The following PIK3C3 variants were observed in gnomAD, a reference collection of about 807,000 sequenced individuals.
PIK3C3 encodes the protein phosphatidylinositol 3-kinase catalytic subunit type 3.
A neutral mutation model predicts 126.1 loss-of-function variants in PIK3C3; 95 were observed. That is an observed-to-expected ratio of 0.75 (90% CI 0.64 to 0.89). PIK3C3 has a LOEUF of 0.89. Ranked by LOEUF, PIK3C3 falls within the 40% of genes least tolerant of loss-of-function variation. The probability of loss-of-function intolerance (pLI) is 0.00; values close to 1 mark genes in which losing one functional copy is unlikely to be tolerated. For missense variants in PIK3C3, 829 were observed against 1,063.2 expected (o/e 0.78, Z 3.06); for synonymous variants, 374 against 360.0 (o/e 1.04, Z -0.44).
At chr18:42,062,874 T>G (rs573003355) in intron 22 of PIK3C3, among the ~76,000 whole-genome samples, 1 of 152,224 alleles carries the variant, frequency 6.6e-6, no homozygotes, top group Admixed American at 6.5e-5. Context: ...TTAGGCTAAA[T>G]CCTTTGTGTT....
At chr18:42,074,425 A>G (rs1364148237) in intron 24 of PIK3C3, among the ~76,000 whole-genome samples, 2 of 152,132 alleles carry the variant, frequency 1.3e-5, no homozygotes, top group Admixed American at 6.5e-5. Context: ...AGTAGAAAAT[A>G]AACTATATCT....
intron 9 of PIK3C3, 24 bp from the exon 10 acceptor site, chr18:42,004,332 T>A (rs1385190559): frequency 6.3e-7 from 1 of 1,584,298 alleles, no homozygotes; most frequent in East Asian, 2.3e-5. Flanking sequence ...CTGTTTCTAA[T>A]TTTTAAATAT....
chr18:42,026,421 CTG>C, intron 13 of PIK3C3: 1 of 152,202 alleles, frequency 6.6e-6, no homozygotes, highest in Non-Finnish European at 1.5e-5. Flanking sequence ...TTTTATACAT[CTG>C]TGTGCATATG....
In PIK3C3 at chr18:42,085,050, T is replaced by G. The variant is rs1986371354; in HGVS notation, c.*3913T>G. ...TCTCTTGTTATATGCTAACTTCATTTTCCCTTTCTTGTCCATAGTGGGAAA... is the reference window on the plus strand; with the variant it reads ...TCTCTTGTTATATGCTAACTTCATTGTCCCTTTCTTGTCCATAGTGGGAAA... On this transcript the variant is annotated 3_prime_UTR_variant, in exon 25 of 25. Transcript: ENST00000262039. 3 of 152,234 alleles carry G rather than the reference T, an allele frequency of 2.0e-5. No individual in the cohort carries two copies. Among genetic ancestry groups the G allele is most frequent in the African/African-American group, 7.2e-5 (3 of 41,466 alleles). 9.4% of individuals were successfully genotyped at this position (152,234 alleles called of 1,614,324 possible).
chr18:42,005,553 G>A (rs1982501693), intron 10 of PIK3C3, among the ~76,000 whole-genome samples: 2 of 152,134 alleles, frequency 1.3e-5, no homozygotes. Context: ...AATTTTTATA[G>A]GGTGAATATG....
intron 15 of PIK3C3, among the ~76,000 whole-genome samples, chr18:42,033,385 T>C (rs1011003691): frequency 2.6e-5 from 4 of 152,208 alleles, no homozygotes; most frequent in Non-Finnish European, 5.9e-5. Flanking sequence ...AAGTTTCCTT[T>C]TTAAACTCAA....
chr18:42,052,413 C>T (rs1984846980), intron 21 of PIK3C3, among the ~76,000 whole-genome samples: 1 of 152,126 alleles, frequency 6.6e-6, no homozygotes, highest in African/African-American at 2.4e-5. Context: ...CCTATTAAAA[C>T]AGCAGTTCAT....
chr18:41,983,884 C>A (rs1981331394), intron 4 of PIK3C3, among the ~76,000 whole-genome samples: 1 of 150,748 alleles, frequency 6.6e-6, no homozygotes. Flanking sequence ...CTTGTGGATT[C>A]TTTTATTTAA....
intron 10 of PIK3C3, among the ~76,000 whole-genome samples, chr18:42,006,748 T>C (rs540704513): frequency 4.7e-4 from 71 of 152,372 alleles, no homozygotes; most frequent in African/African-American, 1.5e-3. Flanking sequence ...GTTAATTTAC[T>C]TAACCATTGG....
intron 24 of PIK3C3, among the ~76,000 whole-genome samples, chr18:42,069,851 A>ATAGC (rs1985702214): frequency 6.6e-6 from 1 of 152,210 alleles, no homozygotes; most frequent in Non-Finnish European, 1.5e-5. Flanking sequence ...TCAGTAATCT[A>ATAGC]TAGCTACACA....
intron 20 of PIK3C3, among the ~76,000 whole-genome samples, chr18:42,047,965 C>G (rs1984628864): frequency 6.6e-6 from 1 of 152,154 alleles, no homozygotes; most frequent in Non-Finnish European, 1.5e-5. Context: ...CCATTCAACC[C>G]TGCCATTGTA....
intron 21 of PIK3C3, among the ~76,000 whole-genome samples, chr18:42,055,936 T>C (rs935683088): frequency 6.6e-6 from 1 of 152,082 alleles, no homozygotes; most frequent in Non-Finnish European, 1.5e-5. Context: ...AACAGGAAAA[T>C]GTAATTAGCA....
chr18:42,076,111 T>TATATGCAC (rs1985978903), intron 24 of PIK3C3, among the ~76,000 whole-genome samples: 2 of 79,322 alleles, frequency 2.5e-5, no homozygotes, highest in Non-Finnish European at 5.0e-5. Flanking sequence ...TATATATATA[T>TATATGCAC]ATATATATAT....
chr18:42,074,911 T>G (rs941096787), intron 24 of PIK3C3, among the ~76,000 whole-genome samples: 1 of 152,174 alleles, frequency 6.6e-6, no homozygotes, highest in Non-Finnish European at 1.5e-5. Context: ...GTGTTTTACT[T>G]AAGTACCTAC....
intron 4 of PIK3C3, 72 bp downstream of exon 4, chr18:41,970,528 A>C (rs1489511606): frequency 7.7e-7 from 1 of 1,305,132 alleles, no homozygotes; most frequent in Admixed American, 1.7e-5. Context: ...CCTTGACATT[A>C]TGAACTCTGT....
chr18:42,015,584 C>T lies in PIK3C3; in HGVS notation c.1416+18C>T. The T allele has an allele frequency of 6.3e-7, 1 of 1,576,960 alleles. No homozygotes were observed. Among genetic ancestry groups the T allele is most frequent in the Non-Finnish European group, 8.7e-7 (1 of 1,146,582 alleles). On this transcript the variant is annotated intron_variant, in intron 12 of 24. Coordinates refer to ENST00000262039, the MANE Select transcript of PIK3C3 (RefSeq NM_002647.4). ...ATCTGGAAGTGAGTACAAAGCTTTT[C>T]CAGCTTCCTATAGGAGAGATCCTAC...
intron 9 of PIK3C3, among the ~76,000 whole-genome samples, chr18:42,003,369 C>G (rs1982385664): frequency 6.6e-6 from 1 of 152,090 alleles, no homozygotes; most frequent in Non-Finnish European, 1.5e-5. Context: ...TTGGGTTCAG[C>G]CAGGAAAGTG....
chr18:41,995,957 A>G lies in PIK3C3; in HGVS notation c.854A>G (p.Asp285Gly), dbSNP rs1325911241. The change falls in exon 8 of 25, where the codon GAT (aspartate) becomes GGT (glycine). Residue 285 changes from aspartate (D) to glycine (G), a missense_variant. This residue lies in a region of PIK3C3 where 64 missense variants were observed against 118.7 expected (regional missense o/e 0.54). Coordinates refer to ENST00000262039, the MANE Select transcript of PIK3C3 (RefSeq NM_002647.4). ...TTAAGAAGTGGACCTTCTGACCACGATCTGAAACCCAATGCTGCCACGAGA... is the reference window on the plus strand; with the variant it reads ...TTAAGAAGTGGACCTTCTGACCACGGTCTGAAACCCAATGCTGCCACGAGA... Reference protein sequence around the residue: ...RSLRSGPSDHDLKPNAATRDQ... With the variant: ...RSLRSGPSDHGLKPNAATRDQ... The G allele has an allele frequency of 6.2e-7, 1 of 1,612,750 alleles. No individual in the cohort carries two copies. Among genetic ancestry groups the G allele is most frequent in the African/African-American group, 1.3e-5 (1 of 74,876 alleles).
rs202160928 is a variant in PIK3C3, at chr18:41,963,465, T to A, written c.401+833T>A. ...TTTGGTCAGTAGGAGACCCTTCAAG[T>A]AGACCCCGTGTCCTTTTGGCAGTAC... is the stretch of plus-strand genomic sequence containing the variant. On this transcript the variant is annotated intron_variant, in intron 3 of 24. Coordinates refer to ENST00000262039, the MANE Select transcript of PIK3C3 (RefSeq NM_002647.4). Among the ~76,000 whole-genome samples, 6 of 152,270 alleles carry A rather than the reference T, an allele frequency of 3.9e-5. No homozygotes were observed. The East Asian group carries it at 1.2e-3, about 30-fold the overall frequency.
Sources: allele counts gnomAD v4.1 joint callset (sites outside exome capture counted in the v4.1 genomes callset), GRCh38; gene constraint gnomAD v4.1.1; regional missense constraint gnomAD v4.1.1; transcripts MANE v1.5; gene names NCBI Gene and HGNC (gene_info 2026-07-23, HGNC 2026-07-21).